Variants in TBC1D32 observed in about 807,000 individuals in gnomAD.
TBC1D32 encodes protein broad-minded.
Under a neutral mutation model 170.3 loss-of-function variants are expected in TBC1D32, and 151 were observed. The ratio of observed to expected loss-of-function variants is 0.89; its 90% CI spans 0.78 to 1.01. The LOEUF (loss-of-function observed/expected upper bound fraction) is 1.01. TBC1D32 is among the 50% of genes least tolerant of loss of function. The pLI, the probability that TBC1D32 is intolerant of heterozygous loss-of-function variation, is 0.00. For missense variants in TBC1D32, 1,464 were observed against 1,457.1 expected (o/e 1.00, Z -0.08); for synonymous variants, 498 against 488.0 (o/e 1.02, Z -0.27).
chr6:121,188,579 A>G (rs1353456257), intron 22 of TBC1D32, among the ~76,000 whole-genome samples: 4 of 151,856 alleles, frequency 2.6e-5, no homozygotes, highest in Admixed American at 6.6e-5. Context: ...ACAAATCAAG[A>G]TAGTGTAAGC....
At chr6:121,314,550 T>C (rs1166404541) in intron 3 of TBC1D32, among the ~76,000 whole-genome samples, 3 of 151,360 alleles carry the variant, frequency 2.0e-5, no homozygotes, top group African/African-American at 7.3e-5. Flanking sequence ...TAGGTGACTA[T>C]TATCCTAAAC....
At chr6:121,121,432 T>C (rs922177635) in intron 26 of TBC1D32, among the ~76,000 whole-genome samples, 1 of 152,044 alleles carries the variant, frequency 6.6e-6, no homozygotes, top group Non-Finnish European at 1.5e-5. Flanking sequence ...AGAAATCATA[T>C]CACCCTTACA....
At chr6:121,211,283 A>G (rs77743390) in intron 21 of TBC1D32, among the ~76,000 whole-genome samples, 1,549 of 152,312 alleles carry the variant, frequency 0.01, 18 homozygotes, top group African/African-American at 0.034. Context: ...ACTTACATCT[A>G]GAGGGAAAGA....
At chr6:121,234,511 C>T (rs1465706035) in intron 20 of TBC1D32, among the ~76,000 whole-genome samples, 1 of 152,052 alleles carries the variant, frequency 6.6e-6, no homozygotes, top group Non-Finnish European at 1.5e-5. Context: ...ATTACTGAGA[C>T]TTTCCAGTGC....
intron 31 of TBC1D32, among the ~76,000 whole-genome samples, chr6:121,087,253 T>C (rs1380687696): frequency 1.3e-5 from 2 of 152,176 alleles, no homozygotes; most frequent in African/African-American, 4.8e-5. Flanking sequence ...GAAAAATAAG[T>C]TTTTCTTTCC....
chr6:121,243,398 T>C (rs755318725), intron 17 of TBC1D32, among the ~76,000 whole-genome samples: 1 of 152,108 alleles, frequency 6.6e-6, no homozygotes, highest in Non-Finnish European at 1.5e-5. Context: ...CCAACCACCA[T>C]CTGGCCAGAG....
At chr6:121,161,701 A>T (rs1432232485) in intron 22 of TBC1D32, among the ~76,000 whole-genome samples, 1 of 152,216 alleles carries the variant, frequency 6.6e-6, no homozygotes, top group Non-Finnish European at 1.5e-5. Flanking sequence ...GTATATACCC[A>T]GTAATGGGAT....
At position 121,113,076 on chromosome 6, in the gene TBC1D32, A is replaced by G. The variant is rs1469963924; in HGVS notation, c.3155T>C (p.Ile1052Thr). Residue 1052 changes from isoleucine to threonine, a missense_variant, in exon 28 of 32, where the codon ATA becomes ACA. Ile to Thr is a moderately conservative substitution (Grantham distance 89, BLOSUM62 -1). This residue lies in a region of TBC1D32 where 1,363 missense variants were observed against 1,338.1 expected (regional missense o/e 1.02). Coordinates refer to ENST00000398212, the MANE Select transcript of TBC1D32 (RefSeq NM_152730.6). ...ERFLKQQQTS[I>T]KSSLLCLQGN... ...AAAAAGGATATGAAGAGAAGATTTT[A>G]TGGAAGTTTGCTGCTGTTTCAGGAA... 6.2e-7 allele frequency: 1 copy of G among 1,607,636 alleles called. No homozygotes were observed. The highest frequency in any genetic ancestry group is 1.7e-5 in the Admixed American group (1 of 58,600).
In TBC1D32 at chr6:121,080,400, G is replaced by A. The variant is rs966269481; in HGVS notation, c.*371C>T. 3.3e-6 allele frequency: 1 copy of A among 299,730 alleles called. No homozygotes were observed. The highest frequency in any genetic ancestry group is 2.7e-5 in the South Asian group (1 of 36,406). 18.6% of individuals were successfully genotyped at this position (299,730 alleles called of 1,614,324 possible). A position where few individuals can be genotyped will look rare whatever the true frequency, so the allele number is the denominator to read the frequency against. ...CCAGCTAATTTCAGTATTGTTAGCA[G>A]AGACGAGGTTTCACCATTTTGGCCA... On this transcript the variant is annotated 3_prime_UTR_variant, in exon 32 of 32. Coordinates refer to ENST00000398212, the MANE Select transcript of TBC1D32 (RefSeq NM_152730.6).
intron 24 of TBC1D32, among the ~76,000 whole-genome samples, chr6:121,144,708 A>G (rs1783196156): frequency 6.6e-6 from 1 of 152,168 alleles, no homozygotes; most frequent in South Asian, 2.1e-4. Context: ...AAAGATAAGT[A>G]TTAGAGATAT....
chr6:121,104,141 G>A lies in TBC1D32; in HGVS notation c.3465+1882C>T, dbSNP rs1010479574. Among the ~76,000 whole-genome samples the A allele has an allele frequency of 3.3e-5, 5 of 151,650 alleles. 1 individual carries two copies. Among genetic ancestry groups the A allele is most frequent in the Admixed American group, 3.3e-4 (5 of 15,170 alleles). ...AAGTTTCTTCAAAATAAATATGAAA[G>A]CTCATATCATAATATCAAGAAAAAC... On this transcript the variant is annotated intron_variant, in intron 30 of 31. Coordinates refer to ENST00000398212, the MANE Select transcript of TBC1D32 (RefSeq NM_152730.6).
At chr6:121,172,445 C>G (rs1305193402) in intron 22 of TBC1D32, among the ~76,000 whole-genome samples, 1 of 152,050 alleles carries the variant, frequency 6.6e-6, no homozygotes, top group Non-Finnish European at 1.5e-5. Flanking sequence ...CCTGGTATTA[C>G]CATGCCCTGT....
chr6:121,112,385 G>T, intron 29 of TBC1D32, 120 bp downstream of exon 29: 1 of 874,042 alleles, frequency 1.1e-6, no homozygotes, highest in Non-Finnish European at 1.6e-6. Flanking sequence ...AAACATTCAA[G>T]TAGAAAAATG....
chr6:121,304,282 G>A lies in TBC1D32; in HGVS notation c.935+83C>T, dbSNP rs149495648. 926 of 1,289,008 alleles carry A rather than the reference G, an allele frequency of 7.2e-4. 9 individuals are homozygous for A. In the African/African-American group the frequency reaches 0.012, roughly 16 times the overall value. The allele number at this position is 1,289,008 out of a possible 1,614,324, so 79.8% of individuals were successfully genotyped here. On this transcript the variant is annotated intron_variant, in intron 8 of 31. Coordinates refer to ENST00000398212, the MANE Select transcript of TBC1D32 (RefSeq NM_152730.6). ...CCAATCAGGTAAGTCCATTAAGACT[G>A]TCTTTACTCTTTCTGTCTGAAACGT...
At chr6:121,228,103 C>T (rs1448589390) in intron 20 of TBC1D32, among the ~76,000 whole-genome samples, 1 of 152,030 alleles carries the variant, frequency 6.6e-6, no homozygotes, top group East Asian at 1.9e-4. Flanking sequence ...CCTTTAATAT[C>T]TGTGGAATCA....
chr6:121,314,004 G>C (rs555695306), intron 3 of TBC1D32, among the ~76,000 whole-genome samples: 2 of 152,142 alleles, frequency 1.3e-5, no homozygotes, highest in African/African-American at 4.8e-5. Flanking sequence ...CTGAATGAGA[G>C]GAGAAAGGCC....
At chr6:121,269,704 G>A (rs1472941881) in intron 15 of TBC1D32, among the ~76,000 whole-genome samples, 11 of 152,116 alleles carry the variant, frequency 7.2e-5, no homozygotes, top group Admixed American at 6.5e-4. Context: ...ACAGATCAAA[G>A]AGATAGAAAG....
intron 22 of TBC1D32, among the ~76,000 whole-genome samples, chr6:121,173,476 A>C (rs1454057860): frequency 6.6e-6 from 1 of 152,116 alleles, no homozygotes; most frequent in African/African-American, 2.4e-5. Context: ...ATTTCTAAGA[A>C]GAAAAACAAA....
At chr6:121,254,652 T>TA in intron 17 of TBC1D32, among the ~76,000 whole-genome samples, 1 of 152,120 alleles carries the variant, frequency 6.6e-6, no homozygotes, top group Middle Eastern at 3.4e-3. Context: ...ATACCTACCT[T>TA]AAAAAAATTC....
Sources: gnomAD v4.1 joint callset for allele counts (sites outside exome capture counted in the v4.1 genomes callset) on GRCh38, gnomAD v4.1.1 for gene constraint, gnomAD v4.1.1 regional missense constraint, MANE v1.5 for transcripts, NCBI Gene and HGNC (gene_info 2026-07-23, HGNC 2026-07-21) for gene names.